The following CUBN variants were observed in gnomAD, a reference collection of about 807,000 sequenced individuals.
CUBN encodes the protein 460 kDa receptor.
Under a neutral mutation model 405.3 loss-of-function variants are expected in CUBN, and 282 were observed. The observed-to-expected ratio is 0.70, with a 90% confidence interval of 0.63 to 0.77. The LOEUF is 0.77. Among genes scored for constraint, CUBN ranks in the 30% least tolerant of loss-of-function variants. The pLI is 0.00. For synonymous variants in CUBN, 1,684 were observed against 1,617.0 expected (o/e 1.04, Z -0.99); for missense variants, 4,514 against 4,475.2 (o/e 1.01, Z -0.25).
intron 28 of CUBN, among the ~76,000 whole-genome samples, chr10:17,016,738 G>A (rs1012209298): frequency 1.1e-4 from 17 of 152,140 alleles, no homozygotes. Flanking sequence ...CCTTCTGGGT[G>A]GGGGAGATTA....
intron 27 of CUBN, among the ~76,000 whole-genome samples, chr10:17,020,495 T>G (rs1014987077): frequency 3.3e-5 from 5 of 152,202 alleles, no homozygotes; most frequent in Admixed American, 2.0e-4. Context: ...AGGTAATTTT[T>G]AAAATAAATG....
intron 7 of CUBN, among the ~76,000 whole-genome samples, chr10:17,115,052 T>G (rs911114229): frequency 1.3e-5 from 2 of 152,120 alleles, no homozygotes; most frequent in African/African-American, 4.8e-5. Context: ...GAGATCATCC[T>G]GGCCAACATG....
chr10:16,888,878 A>G (rs1057173993), intron 55 of CUBN, among the ~76,000 whole-genome samples: 4 of 152,228 alleles, frequency 2.6e-5, no homozygotes, highest in African/African-American at 9.6e-5. Context: ...ATGATAGAAT[A>G]TGGTTCATGC....
intron 27 of CUBN, among the ~76,000 whole-genome samples, chr10:17,024,189 G>T (rs576675742): frequency 3.2e-4 from 49 of 152,260 alleles, no homozygotes; most frequent in African/African-American, 1.1e-3. Flanking sequence ...CCATAACAAA[G>T]GGGAGGATAT....
rs777910386 is a variant in CUBN at position 17,071,486 on chromosome 10, G to C, written c.2565C>G (p.Leu855=). ...CAATTTCAAAGACAGTGAAGTTGAG[G>C]AGAATGACTTGGCTTTGGGGCTGGT... is the stretch of plus-strand genomic sequence containing the variant. ...TIHQPQSQVI[L]LNFTVFEIGS... Residue 855 remains leucine, a synonymous_variant, in exon 19 of 67, where the codon CTC becomes CTG. Coordinates refer to ENST00000377833, the MANE Select transcript of CUBN (RefSeq NM_001081.4). 3 of 1,613,850 alleles carry C rather than the reference G, an allele frequency of 1.9e-6. No individual in the cohort carries two copies. The South Asian group carries it at 3.3e-5, about 18-fold the overall frequency.
chr10:16,858,464 G>T (rs1839925798), intron 59 of CUBN, among the ~76,000 whole-genome samples: 1 of 152,096 alleles, frequency 6.6e-6, no homozygotes, highest in African/African-American at 2.4e-5. Context: ...AGGACCACAG[G>T]CAAATGCCAC....
chr10:17,002,657 G>C (rs1282811038), intron 28 of CUBN, among the ~76,000 whole-genome samples: 1 of 152,162 alleles, frequency 6.6e-6, no homozygotes, highest in Non-Finnish European at 1.5e-5. Flanking sequence ...GAAATGTCAG[G>C]AGTGAGCTTT....
chr10:17,034,236 A>G (rs554322408), intron 27 of CUBN, among the ~76,000 whole-genome samples: 332 of 152,324 alleles, frequency 2.2e-3, no homozygotes, highest in Non-Finnish European at 4.0e-3. Flanking sequence ...AAGGTGCCCG[A>G]TAAGGAAAAG....
intron 22 of CUBN, among the ~76,000 whole-genome samples, chr10:17,063,993 C>T (rs924759961): frequency 6.6e-6 from 1 of 152,188 alleles, no homozygotes; most frequent in African/African-American, 2.4e-5. Context: ...AAAACTACAA[C>T]AGCATGAAAA....
intron 62 of CUBN, 139 bp from the exon 63 acceptor site, chr10:16,836,521 A>G (rs1472003929): frequency 2.4e-6 from 2 of 838,256 alleles, no homozygotes; most frequent in African/African-American, 3.4e-5. Flanking sequence ...AGTGCTCTGC[A>G]AGAAGACTCA....
chr10:17,072,058 C>G, intron 17 of CUBN, 87 bp from the exon 18 acceptor site: 1 of 1,043,124 alleles, frequency 9.6e-7, no homozygotes, highest in Admixed American at 2.0e-5. Flanking sequence ...GAAAAAATGG[C>G]AGATTCAAAA....
intron 5 of CUBN, 134 bp from the exon 6 acceptor site, chr10:17,123,032 G>A: frequency 1.4e-6 from 1 of 706,812 alleles, no homozygotes; most frequent in Non-Finnish European, 2.6e-6. Flanking sequence ...CAATAATACT[G>A]ATATTAACCC....
chr10:16,875,130 T>A (rs144493744), intron 57 of CUBN, among the ~76,000 whole-genome samples: 1 of 151,970 alleles, frequency 6.6e-6, no homozygotes, highest in Admixed American at 6.6e-5. Flanking sequence ...TCACTGATCC[T>A]CAATCCTCAA....
chr10:16,933,358 A>G, intron 39 of CUBN, 74 bp from the exon 40 acceptor site: 1 of 1,359,584 alleles, frequency 7.4e-7, no homozygotes. Flanking sequence ...TTCACTTGAA[A>G]GTGACAGCCC....
At chr10:17,049,016 C>T (rs983274739) in intron 22 of CUBN, among the ~76,000 whole-genome samples, 2 of 152,152 alleles carry the variant, frequency 1.3e-5, no homozygotes, top group African/African-American at 2.4e-5. Context: ...TTCACAGTGA[C>T]ATTTAACACC....
chr10:16,862,160 T>TCTCTCTCTCA (rs144560387), intron 59 of CUBN, among the ~76,000 whole-genome samples: 5 of 131,164 alleles, frequency 3.8e-5, no homozygotes, highest in African/African-American at 1.6e-4. Context: ...TCTCTCTCTC[T>TCTCTCTCTCA]CACACACACA....
Position 17,045,088 on chromosome 10 carries a change from A to C in CUBN, c.3591T>G (p.Ser1197=), listed in dbSNP as rs750870118. ...CCAGTTCAAATGCGCTGCCGTGGCT[A>C]GATTTCAACCACCAGTAGCATTCAG... ...HSSECYWWLK[S]SHGSAFELEF... The change falls in exon 25 of 67, where the codon TCT becomes TCG. Residue 1197 remains serine (S), a synonymous_variant. Transcript: ENST00000377833. 2 of 1,614,142 alleles carry C rather than the reference A, an allele frequency of 1.2e-6. No individual in the cohort carries two copies. The highest frequency in any genetic ancestry group is 1.7e-6 in the Non-Finnish European group (2 of 1,180,012).
chr10:16,900,766 AT>A lies in CUBN; in HGVS notation c.8268del (p.Glu2756AspfsTer5). 1 of 1,613,912 alleles carries A rather than the reference AT, an allele frequency of 6.2e-7. No homozygotes were observed. Reference sequence around the variant, plus strand: ...CCACAGTATTGTCCTATGATGGGTGATTCAGGGGACCCACCATTCCTGACAG... The same window carrying A: ...CCACAGTATTGTCCTATGATGGGTGATCAGGGGACCCACCATTCCTGACAG... The part of the protein sequence containing the change: ...SVTVRNGGSP[E>X]SPIIGQYCGN... On this transcript the variant is annotated frameshift_variant, in exon 53 of 67. Transcript: ENST00000377833. LOFTEE classifies it high-confidence loss of function.
At chr10:17,047,320 A>C (rs1835159164) in intron 23 of CUBN, 94 bp downstream of exon 23, 2 of 1,044,726 alleles carry the variant, frequency 1.9e-6, no homozygotes, top group Non-Finnish European at 2.8e-6. Context: ...CTTTGCAGAG[A>C]ATTTCCATAT....
Sources: allele counts gnomAD v4.1 joint callset (sites outside exome capture counted in the v4.1 genomes callset), GRCh38; gene constraint gnomAD v4.1.1; transcripts MANE v1.5; gene names NCBI Gene and HGNC (gene_info 2026-07-23, HGNC 2026-07-21).